The following PHLPP1 variants were observed in gnomAD, a reference collection of about 807,000 sequenced individuals.
PHLPP1 encodes the protein PH domain leucine-rich repeat-containing protein phosphatase 1.
In PHLPP1, 42 loss-of-function variants were observed where a neutral mutation model predicts 117.2. The observed-to-expected ratio is 0.36, with a 90% CI of 0.28 to 0.46. The LOEUF (loss-of-function observed/expected upper bound fraction) is 0.46. Ranked by LOEUF, PHLPP1 falls within the 20% of genes least tolerant of loss-of-function variation. The pLI is 1.00. For synonymous variants in PHLPP1, 1,042 were observed against 970.7 expected (o/e 1.07, Z -1.37); for missense variants, 2,084 against 2,241.9 (o/e 0.93, Z 1.42).
At chr18:62,792,832 G>A (rs1285927875) in intron 1 of PHLPP1, among the ~76,000 whole-genome samples, 1 of 140,604 alleles carries the variant, frequency 7.1e-6, no homozygotes, top group African/African-American at 2.8e-5. Flanking sequence ...TTGTGCCACT[G>A]CACTCCAGCC....
At chr18:62,739,513 G>A (rs1169071146) in intron 1 of PHLPP1, among the ~76,000 whole-genome samples, 2 of 152,108 alleles carry the variant, frequency 1.3e-5, no homozygotes, top group Non-Finnish European at 2.9e-5. Context: ...TATGGTTTGT[G>A]TGCTTTATTA....
chr18:62,922,116 T>TTTG (rs1568162524), intron 10 of PHLPP1, among the ~76,000 whole-genome samples: 84 of 151,396 alleles, frequency 5.5e-4, no homozygotes, highest in African/African-American at 1.7e-3. Context: ...GTTTTGGGTT[T>TTTG]TTTGTTTGTT....
intron 4 of PHLPP1, among the ~76,000 whole-genome samples, chr18:62,870,397 A>C (rs894883925): frequency 6.6e-6 from 1 of 152,208 alleles, no homozygotes; most frequent in Non-Finnish European, 1.5e-5. Context: ...TTAGTACTGC[A>C]GAAAGCATTA....
chr18:62,979,110 C>A lies in PHLPP1; in HGVS notation c.4833C>A (p.Asp1611Glu). The change falls in exon 17 of 17, where the codon GAC becomes GAA. Residue 1611 changes from aspartate to glutamate, a missense_variant. By Grantham distance (45) the Asp-to-Glu change is conservative. Transcript: ENST00000262719. ...AGCCAGGTCTGCCCAGGAAGGCAGA[C>A]TTCTCTGCCGTTGGGACCATTGGGC... Reference protein sequence around the residue: ...EDEPGLPRKADFSAVGTIGRR... With the variant: ...EDEPGLPRKAEFSAVGTIGRR... 1 of 1,613,908 alleles carries A rather than the reference C, an allele frequency of 6.2e-7. No homozygotes were observed. Among genetic ancestry groups the A allele is most frequent in the African/African-American group, 1.3e-5 (1 of 75,054 alleles).
intron 1 of PHLPP1, among the ~76,000 whole-genome samples, chr18:62,817,428 T>TACAC (rs1348168889): frequency 6.6e-6 from 1 of 152,102 alleles, no homozygotes; most frequent in African/African-American, 2.4e-5. Context: ...TGTAGGTAAA[T>TACAC]ACACACACAT....
intron 1 of PHLPP1, among the ~76,000 whole-genome samples, chr18:62,800,301 G>A (rs1372472816): frequency 1.3e-5 from 2 of 152,262 alleles, no homozygotes; most frequent in South Asian, 2.1e-4. Flanking sequence ...AGGGATATCC[G>A]AATGTTCTTC....
chr18:62,916,979 C>G (rs1184848883), intron 9 of PHLPP1, among the ~76,000 whole-genome samples: 1 of 150,080 alleles, frequency 6.7e-6, no homozygotes, highest in East Asian at 1.9e-4. Flanking sequence ...TTCTTGAACT[C>G]CTGACCTCAG....
At chr18:62,964,416 G>T (rs1298984910) in intron 14 of PHLPP1, among the ~76,000 whole-genome samples, 1 of 152,122 alleles carries the variant, frequency 6.6e-6, no homozygotes, top group Non-Finnish European at 1.5e-5. Context: ...GAAAATAAAA[G>T]GTTTGGAATT....
intron 4 of PHLPP1, among the ~76,000 whole-genome samples, chr18:62,862,768 ATATAC>A (rs1342256871): frequency 8.5e-5 from 13 of 152,250 alleles, no homozygotes; most frequent in African/African-American, 3.1e-4. Context: ...TTAAAAAGAC[ATATAC>A]TCAGGGGTTG....
At chr18:62,735,143 C>T (rs1410091659) in intron 1 of PHLPP1, among the ~76,000 whole-genome samples, 1 of 151,766 alleles carries the variant, frequency 6.6e-6, no homozygotes, top group East Asian at 1.9e-4. Flanking sequence ...CTCCTATGCT[C>T]AAGGCATCCT....
intron 1 of PHLPP1, chr18:62,826,225 G>C: frequency 2.4e-6 from 1 of 412,828 alleles, no homozygotes; most frequent in Middle Eastern, 3.5e-4. Flanking sequence ...GACATGAAAA[G>C]ATTGAACTAG....
chr18:62,921,964 T>C (rs673965), intron 10 of PHLPP1, among the ~76,000 whole-genome samples: 101,258 of 152,130 alleles, frequency 0.67, 34,151 homozygotes, highest in Non-Finnish European at 0.71. Flanking sequence ...TAAGTTATAA[T>C]GAATTCCAAC....
intron 4 of PHLPP1, among the ~76,000 whole-genome samples, chr18:62,878,121 A>G (rs1003824821): frequency 2.0e-5 from 3 of 152,200 alleles, no homozygotes; most frequent in Admixed American, 6.5e-5. Context: ...CTTAACTGCA[A>G]GAGTTTAATG....
At chr18:62,905,196 T>C in intron 7 of PHLPP1, 28 bp from the exon 8 acceptor site, 1 of 1,429,102 alleles carries the variant, frequency 7.0e-7, no homozygotes, top group Non-Finnish European at 9.3e-7. Flanking sequence ...TAGTAATGTC[T>C]TTGTGGGGTT....
At chr18:62,932,147 A>C (rs992769188) in intron 10 of PHLPP1, among the ~76,000 whole-genome samples, 1 of 152,170 alleles carries the variant, frequency 6.6e-6, no homozygotes, top group African/African-American at 2.4e-5. Context: ...AATGGAAAAG[A>C]AAGCCCCGGA....
chr18:62,827,622 C>T (rs1914644937), intron 1 of PHLPP1, among the ~76,000 whole-genome samples: 1 of 152,170 alleles, frequency 6.6e-6, no homozygotes. Context: ...GAAGTTCATT[C>T]AGAGCAAGAC....
intron 1 of PHLPP1, among the ~76,000 whole-genome samples, chr18:62,814,897 C>T (rs1289236210): frequency 6.6e-6 from 1 of 152,094 alleles, no homozygotes; most frequent in African/African-American, 2.4e-5. Flanking sequence ...GTGAAACCAA[C>T]ACAGTAAAGT....
intron 1 of PHLPP1, among the ~76,000 whole-genome samples, chr18:62,778,460 A>G (rs1008035389): frequency 2.0e-5 from 3 of 152,208 alleles, no homozygotes; most frequent in Non-Finnish European, 4.4e-5. Flanking sequence ...TGAAGATGTG[A>G]TGAGGAGAAT....
intron 14 of PHLPP1, among the ~76,000 whole-genome samples, chr18:62,967,918 G>A (rs927186611): frequency 4.6e-5 from 7 of 151,536 alleles, no homozygotes; most frequent in African/African-American, 9.7e-5. Context: ...TCCGCCTCCC[G>A]GGTTCAAGCA....
Sources: gnomAD v4.1 joint callset for allele counts (sites outside exome capture counted in the v4.1 genomes callset) on GRCh38, gnomAD v4.1.1 for gene constraint, MANE v1.5 for transcripts, NCBI Gene and HGNC (gene_info 2026-07-23, HGNC 2026-07-21) for gene names.